MAPK8: variants seen among roughly 807,000 people sequenced by gnomAD.
MAPK8 encodes the protein mitogen-activated protein kinase 8.
A neutral mutation model predicts 52.9 loss-of-function variants in MAPK8; 13 were observed. The observed-to-expected ratio is 0.25, with a 90% CI of 0.16 to 0.39. The LOEUF (loss-of-function observed/expected upper bound fraction) is 0.39, where lower values mean the gene tolerates loss of function less well. Ranked by LOEUF, MAPK8 falls within the 10% of genes least tolerant of loss-of-function variation. The pLI, the probability that MAPK8 is intolerant of heterozygous loss-of-function variation, is 1.00. For missense variants in MAPK8, 300 were observed against 519.2 expected (o/e 0.58, Z 4.10); for synonymous variants, 191 against 169.8 (o/e 1.12, Z -0.97).
At position 48,425,562 on chromosome 10, in the gene MAPK8, G is replaced by T. The variant is rs886522546; in HGVS notation, c.689-326G>T. ...GTATATTATTATAGCATTGTGTGCAGTTTGCAGTTAGAGCCACTATGGATA... is the reference window on the plus strand; with the variant it reads ...GTATATTATTATAGCATTGTGTGCATTTTGCAGTTAGAGCCACTATGGATA... On this transcript the variant is annotated intron_variant, in intron 7 of 11. Transcript: ENST00000374189. 2.8e-5 allele frequency: 9 copies of T among 325,384 alleles called. No homozygotes were observed. In the East Asian group the frequency reaches 3.7e-4, roughly 13 times the overall value. The allele number at this position is 325,384 out of a possible 1,614,324, so 20.2% of individuals were successfully genotyped here. A position where few individuals can be genotyped will look rare whatever the true frequency, so the allele number is the denominator to read the frequency against.
chr10:48,370,507 A>G (rs1217744653), intron 1 of MAPK8, among the ~76,000 whole-genome samples: 1 of 152,114 alleles, frequency 6.6e-6, no homozygotes, highest in African/African-American at 2.4e-5. Flanking sequence ...TAAGCTGTGG[A>G]AGGAAAGAAG....
intron 3 of MAPK8, 94 bp downstream of exon 3, chr10:48,405,075 A>G: frequency 1.7e-6 from 1 of 598,272 alleles, no homozygotes; most frequent in East Asian, 3.3e-5. Flanking sequence ...GGGGCTTTAA[A>G]TTGTTCTGTA....
chr10:48,426,298 A>T lies in MAPK8; in HGVS notation c.872-82A>T, dbSNP rs964745844. 32 of 1,281,858 alleles carry T rather than the reference A, an allele frequency of 2.5e-5. No individual in the cohort carries two copies. The East Asian group carries it at 4.6e-4, about 18-fold the overall frequency. The allele number at this position is 1,281,858 out of a possible 1,614,324, so 79.4% of individuals were successfully genotyped here. ...AATATTTTTAAAACATATGCTTTTT[A>T]AAAAATCTCAAATTGCTGAAAGTTA... On this transcript the variant is annotated intron_variant, in intron 8 of 11. Coordinates refer to ENST00000374189, the MANE Select transcript of MAPK8 (RefSeq NM_001323329.2).
intron 1 of MAPK8, among the ~76,000 whole-genome samples, chr10:48,349,114 C>A (rs942679170): frequency 6.6e-6 from 1 of 151,946 alleles, no homozygotes; most frequent in African/African-American, 2.4e-5. Flanking sequence ...ACAGAAGCAC[C>A]CAGATTCATA....
At chr10:48,398,756 G>A (rs1378090413) in intron 1 of MAPK8, among the ~76,000 whole-genome samples, 2 of 152,098 alleles carry the variant, frequency 1.3e-5, no homozygotes, top group Non-Finnish European at 2.9e-5. Context: ...AATGAAAGAC[G>A]CCAAACAAAA....
At chr10:48,307,945 A>T (rs558431372) in intron 1 of MAPK8, 1 of 152,238 alleles carries the variant, frequency 6.6e-6, no homozygotes, top group South Asian at 2.1e-4. Flanking sequence ...AGACAGTTAC[A>T]TAAGTGATGT....
At chr10:48,359,610 C>T (rs955027403) in intron 1 of MAPK8, among the ~76,000 whole-genome samples, 1 of 152,148 alleles carries the variant, frequency 6.6e-6, no homozygotes, top group African/African-American at 2.4e-5. Flanking sequence ...CAGAACCACC[C>T]ATTCCCTGCC....
At chr10:48,368,264 A>G (rs1317726113) in intron 1 of MAPK8, among the ~76,000 whole-genome samples, 1 of 152,248 alleles carries the variant, frequency 6.6e-6, no homozygotes, top group Non-Finnish European at 1.5e-5. Context: ...TGGGAAGCAC[A>G]GACATTTCAA....
intron 11 of MAPK8, among the ~76,000 whole-genome samples, chr10:48,432,056 T>A (rs1210274614): frequency 1.3e-5 from 2 of 152,214 alleles, no homozygotes; most frequent in African/African-American, 4.8e-5. Flanking sequence ...GTGTGTGGTT[T>A]TTTCAGCCTC....
intron 1 of MAPK8, among the ~76,000 whole-genome samples, chr10:48,392,721 CTA>C (rs1340105904): frequency 2.6e-5 from 4 of 151,974 alleles, no homozygotes; most frequent in African/African-American, 7.2e-5. Flanking sequence ...CAGGTTGTCT[CTA>C]TGTTATATGT....
intron 1 of MAPK8, among the ~76,000 whole-genome samples, chr10:48,399,462 T>TTG (rs969279353): frequency 2.6e-5 from 4 of 151,996 alleles, no homozygotes; most frequent in African/African-American, 9.7e-5. Context: ...TCCTGGGGAG[T>TTG]TGTGACTATC....
chr10:48,367,386 TAAATA>T (rs1439561338), intron 1 of MAPK8, among the ~76,000 whole-genome samples: 6 of 138,438 alleles, frequency 4.3e-5, no homozygotes, highest in Non-Finnish European at 7.8e-5. Flanking sequence ...AATAAATAAA[TAAATA>T]AATAAATAAA....
rs2043526046 is a variant in MAPK8, at chr10:48,424,096, T to G, written c.625T>G (p.Trp209Gly). Residue 209 changes from tryptophan (W) to glycine (G), a missense_variant, in exon 7 of 12, where the codon TGG (tryptophan) becomes GGG (glycine). Transcript: ENST00000374189. ...GTGCTGCAAACATATAGTGGATTTA[T>G]GGTCTGTGGGGTGCATTATGGGAGA... ...GMGYKENVDL[W>G]SVGCIMGEMV... is the part of the protein sequence containing the mutation. 1 of 1,612,706 alleles carries G rather than the reference T, an allele frequency of 6.2e-7. No individual in the cohort carries two copies. Among genetic ancestry groups the G allele is most frequent in the Non-Finnish European group, 8.5e-7 (1 of 1,179,172 alleles).
chr10:48,424,044 A>T, intron 6 of MAPK8, 44 bp from the exon 7 acceptor site: 1 of 1,484,494 alleles, frequency 6.7e-7, no homozygotes, highest in Non-Finnish European at 9.3e-7. Context: ...GATTTTAATG[A>T]CCTTTTGCTT....
intron 1 of MAPK8, among the ~76,000 whole-genome samples, chr10:48,368,738 A>G (rs1048617811): frequency 2.0e-5 from 3 of 152,242 alleles, no homozygotes; most frequent in Non-Finnish European, 2.9e-5. Context: ...AGCAAAAGAC[A>G]AAGAAAGTGA....
At chr10:48,361,839 A>G (rs1233849200) in intron 1 of MAPK8, among the ~76,000 whole-genome samples, 1 of 152,180 alleles carries the variant, frequency 6.6e-6, no homozygotes, top group Non-Finnish European at 1.5e-5. Context: ...TTTATATGAC[A>G]CAGTAAGTAT....
intron 1 of MAPK8, among the ~76,000 whole-genome samples, chr10:48,326,815 G>C (rs896194746): frequency 1.3e-5 from 2 of 152,118 alleles, no homozygotes; most frequent in African/African-American, 4.8e-5. Flanking sequence ...CCAATAGCGG[G>C]AAACCTGCCT....
At chr10:48,356,841 C>CAAAAAAAAAAAAAA (rs869186711) in intron 1 of MAPK8, among the ~76,000 whole-genome samples, 2 of 30,276 alleles carry the variant, frequency 6.6e-5, no homozygotes, top group Non-Finnish European at 1.3e-4. Flanking sequence ...GACTCCGTCT[C>CAAAAAAAAAAAAAA]AAAAAAAAAA....
At chr10:48,414,087 C>G (rs1352933738) in intron 5 of MAPK8, among the ~76,000 whole-genome samples, 6 of 151,736 alleles carry the variant, frequency 4.0e-5, no homozygotes, top group Non-Finnish European at 8.8e-5. Context: ...CCTTTCACCT[C>G]TAGCCCTAAG....
Sources: gnomAD v4.1 joint callset for allele counts (sites outside exome capture counted in the v4.1 genomes callset) on GRCh38, gnomAD v4.1.1 for gene constraint, MANE v1.5 for transcripts, NCBI Gene and HGNC (gene_info 2026-07-23, HGNC 2026-07-21) for gene names.